The following RSU1 variants were observed in gnomAD, a reference collection of about 807,000 sequenced individuals.
RSU1 encodes Ras suppressor protein 1, also known as rsu-1.
RSU1 carries 26 observed loss-of-function variants against 31.1 expected under a neutral mutation model. That is an observed-to-expected ratio of 0.84 (90% confidence interval 0.61 to 1.16). RSU1 has a LOEUF of 1.16. Among genes scored for constraint, RSU1 ranks in the 50% most tolerant of loss-of-function variants. The pLI, the probability that RSU1 is intolerant of heterozygous loss-of-function variation, is 0.00. For missense variants in RSU1, 320 were observed against 339.1 expected, an observed-to-expected ratio of 0.94 and a Z score of 0.44; for synonymous variants, 164 against 136.3, an observed-to-expected ratio of 1.20 and a Z score of -1.41.
chr10:16,609,196 CAA>C (rs987440692), intron 8 of RSU1, among the ~76,000 whole-genome samples: 1 of 152,134 alleles, frequency 6.6e-6, no homozygotes, highest in Non-Finnish European at 1.5e-5. Flanking sequence ...TCTGCAAGTG[CAA>C]AAAGCTTAAA....
At chr10:16,643,814 A>G (rs1201836165) in intron 8 of RSU1, among the ~76,000 whole-genome samples, 1 of 152,176 alleles carries the variant, frequency 6.6e-6, no homozygotes, top group African/African-American at 2.4e-5. Flanking sequence ...CATGTCTGCA[A>G]GCCCAGTCAA....
intron 3 of RSU1, among the ~76,000 whole-genome samples, chr10:16,769,643 A>G (rs755411113): frequency 1.3e-5 from 2 of 152,222 alleles, no homozygotes; most frequent in African/African-American, 2.4e-5. Flanking sequence ...ACAACTTCCC[A>G]GGGGATGCCG....
intron 2 of RSU1, among the ~76,000 whole-genome samples, chr10:16,798,651 C>T (rs1297352305): frequency 2.0e-5 from 3 of 152,194 alleles, no homozygotes; most frequent in African/African-American, 7.2e-5. Flanking sequence ...TCATAAATTA[C>T]CCATCTTGAG....
intron 4 of RSU1, among the ~76,000 whole-genome samples, chr10:16,758,137 C>T (rs1316042065): frequency 6.6e-6 from 1 of 151,600 alleles, no homozygotes; most frequent in Non-Finnish European, 1.5e-5. Context: ...CAGTAAGTAA[C>T]AGTGGTAGGC....
chr10:16,630,358 T>A (rs190649788), intron 8 of RSU1, among the ~76,000 whole-genome samples: 1 of 152,256 alleles, frequency 6.6e-6, no homozygotes, highest in Non-Finnish European at 1.5e-5. Flanking sequence ...TCTGTGTTCT[T>A]TCTCCACTAA....
intron 5 of RSU1, among the ~76,000 whole-genome samples, chr10:16,754,459 T>C (rs114874321): frequency 0.02 from 3,053 of 152,198 alleles, 105 homozygotes; most frequent in African/African-American, 0.07. Context: ...GTGTTACTGG[T>C]TTATTAATAA....
chr10:16,812,370 A>T (rs962623990), intron 2 of RSU1, among the ~76,000 whole-genome samples: 1 of 152,210 alleles, frequency 6.6e-6, no homozygotes, highest in Non-Finnish European at 1.5e-5. Flanking sequence ...TGAACCCAAG[A>T]GGTGGAGGCT....
At chr10:16,656,520 T>A (rs1478358246) in intron 8 of RSU1, among the ~76,000 whole-genome samples, 1 of 152,186 alleles carries the variant, frequency 6.6e-6, no homozygotes, top group Non-Finnish European at 1.5e-5. Context: ...GCTAAAGAAT[T>A]CTATTTTATT....
At chr10:16,768,495 A>G (rs1438862578) in intron 3 of RSU1, among the ~76,000 whole-genome samples, 1 of 149,864 alleles carries the variant, frequency 6.7e-6, no homozygotes, top group African/African-American at 2.5e-5. Context: ...ACAGTCCCAG[A>G]GGACTCAGAT....
At chr10:16,648,034 G>T (rs1206811433) in intron 8 of RSU1, among the ~76,000 whole-genome samples, 1 of 151,454 alleles carries the variant, frequency 6.6e-6, no homozygotes, top group African/African-American at 2.4e-5. Flanking sequence ...CTGCAGCCTT[G>T]ACCTGCTGGG....
At chr10:16,786,174 G>C (rs1837788212) in intron 2 of RSU1, among the ~76,000 whole-genome samples, 1 of 152,214 alleles carries the variant, frequency 6.6e-6, no homozygotes, top group Admixed American at 6.5e-5. Context: ...CCATGACAAA[G>C]AATCGTCCAC....
intron 8 of RSU1, among the ~76,000 whole-genome samples, chr10:16,635,006 G>A (rs1834322009): frequency 6.6e-6 from 1 of 152,190 alleles, no homozygotes; most frequent in African/African-American, 2.4e-5. Context: ...TTCTTACCAA[G>A]TTATTATATA....
At chr10:16,655,582 A>G (rs968064405) in intron 8 of RSU1, among the ~76,000 whole-genome samples, 1 of 152,244 alleles carries the variant, frequency 6.6e-6, no homozygotes, top group Non-Finnish European at 1.5e-5. Context: ...TGCTTATTAT[A>G]TAATTCATAT....
chr10:16,760,507 C>G (rs1434486840), intron 4 of RSU1, among the ~76,000 whole-genome samples: 2 of 142,600 alleles, frequency 1.4e-5, no homozygotes, highest in African/African-American at 5.2e-5. Flanking sequence ...GAAACTCCAT[C>G]TCAAAAAAAG....
chr10:16,623,411 T>C (rs1834104023), intron 8 of RSU1, among the ~76,000 whole-genome samples: 1 of 152,200 alleles, frequency 6.6e-6, no homozygotes, highest in Non-Finnish European at 1.5e-5. Context: ...ATGCATCACA[T>C]TCTTTTCATC....
chr10:16,789,780 T>A (rs1043435832), intron 2 of RSU1, among the ~76,000 whole-genome samples: 1 of 152,218 alleles, frequency 6.6e-6, no homozygotes, highest in Non-Finnish European at 1.5e-5. Context: ...CCATTCAGAA[T>A]GAGCTCCCCC....
At chr10:16,716,765 T>G (rs570789482) in intron 7 of RSU1, among the ~76,000 whole-genome samples, 8 of 152,174 alleles carry the variant, frequency 5.3e-5, no homozygotes, top group Non-Finnish European at 1.2e-4. Context: ...TTGGAGGGTA[T>G]GAAGCGTTAT....
chr10:16,669,893 A>G (rs913350336), intron 8 of RSU1, among the ~76,000 whole-genome samples: 1 of 152,108 alleles, frequency 6.6e-6, no homozygotes, highest in Admixed American at 6.6e-5. Flanking sequence ...TTCTTTATTC[A>G]TACTTACATG....
intron 8 of RSU1, among the ~76,000 whole-genome samples, chr10:16,642,425 C>G (rs1380143823): frequency 6.6e-6 from 1 of 152,144 alleles, no homozygotes; most frequent in Non-Finnish European, 1.5e-5. Flanking sequence ...GAATCTATTA[C>G]CAGTGATAGA....
Sources: gnomAD v4.1 joint callset for allele counts (sites outside exome capture counted in the v4.1 genomes callset) on GRCh38, gnomAD v4.1.1 for gene constraint, MANE v1.5 for transcripts, NCBI Gene and HGNC (gene_info 2026-07-23, HGNC 2026-07-21) for gene names.